STKLD1: variants seen among roughly 807,000 people sequenced by gnomAD.
STKLD1 encodes the protein serine/threonine kinase like domain containing 1.
A neutral mutation model predicts 80.4 loss-of-function variants in STKLD1; 79 were observed. The ratio of observed to expected loss-of-function variants is 0.98; its 90% CI spans 0.82 to 1.19. STKLD1 has a LOEUF of 1.19. STKLD1 is among the 50% of genes most tolerant of loss of function. The pLI is 0.00. For missense variants in STKLD1, 841 were observed against 856.0 expected, an observed-to-expected ratio of 0.98 and a Z score of 0.22; for synonymous variants, 393 against 357.6, an observed-to-expected ratio of 1.10 and a Z score of -1.12.
chr9:133,386,596 C>G (rs945279505), intron 4 of STKLD1, among the ~76,000 whole-genome samples: 4 of 152,212 alleles, frequency 2.6e-5, no homozygotes, highest in African/African-American at 9.6e-5. Context: ...CCTAGGGCTC[C>G]GGTTCAGGAG....
At position 133,389,420 on chromosome 9, in the gene STKLD1, G is replaced by T; in HGVS notation, c.397-106G>T. 1 of 1,508,412 alleles carries T rather than the reference G, an allele frequency of 6.6e-7. No homozygotes were observed. Among genetic ancestry groups the T allele is most frequent in the South Asian group, 1.3e-5 (1 of 78,272 alleles). 93.4% of individuals were successfully genotyped at this position (1,508,412 alleles called of 1,614,324 possible). On this transcript the variant is annotated intron_variant, in intron 5 of 17. Coordinates refer to ENST00000371957, the MANE Select transcript of STKLD1 (RefSeq NM_153710.5). This position sits in a 1 kb window ranked among gnomAD's most constrained non-coding sequence, Gnocchi z 6.4. ...GCTGGCTTCAGGCCTGTCTCAAGATGCAAGGAGAGGATACACCACCATCCT... is the reference window on the plus strand; with the variant it reads ...GCTGGCTTCAGGCCTGTCTCAAGATTCAAGGAGAGGATACACCACCATCCT...
rs781836684 is a variant in STKLD1 at position 133,403,933 on chromosome 9, G to C, written c.1617G>C (p.Glu539Asp). 1.2e-6 allele frequency: 2 copies of C among 1,607,544 alleles called. No individual in the cohort carries two copies. The highest frequency in any genetic ancestry group is 1.7e-5 in the Admixed American group (1 of 59,632). The change falls in exon 16 of 18, where the codon GAG becomes GAC. Residue 539 changes from glutamate to aspartate, a missense_variant. By Grantham distance (45) the Glu-to-Asp change is conservative. Coordinates refer to ENST00000371957, the MANE Select transcript of STKLD1 (RefSeq NM_153710.5). ...WLLSLLGCIK[E>D]QQFEQVVALL... ...CCCTTTCTGCAGGCTGCATCAAGGA[G>C]CAGCAGTTTGAACAAGTGGTGGCGC...
rs202090389 is a variant in STKLD1, at chr9:133,387,565, C to T, written c.396+17C>T. On this transcript the variant is annotated intron_variant, in intron 5 of 17. Transcript: ENST00000371957. The stretch of plus-strand genomic sequence containing the variant: ...GACTCTGAGGTGAGGTCCTTTGGGG[C>T]ACCAGGCCTGGGGGCCACCTAGACC... 1 of 1,605,366 alleles carries T rather than the reference C, an allele frequency of 6.2e-7. No homozygotes were observed. Among genetic ancestry groups the T allele is most frequent in the East Asian group, 2.2e-5 (1 of 44,836 alleles).
rs1384994819 is a variant in STKLD1, at chr9:133,389,466, C to T, written c.397-60C>T. On this transcript the variant is annotated intron_variant, in intron 5 of 17. Transcript: ENST00000371957. This position sits in a 1 kb window ranked among gnomAD's most constrained non-coding sequence, Gnocchi z 6.4. Reference sequence around the variant, plus strand: ...ATCCTGCTGGCTGCTCTGAGTGTCACCCCCCTGAAAGCAGCACAGGGTGCC... The same window carrying T: ...ATCCTGCTGGCTGCTCTGAGTGTCATCCCCCTGAAAGCAGCACAGGGTGCC... 2.5e-6 allele frequency: 4 copies of T among 1,590,572 alleles called. No homozygotes were observed. Among genetic ancestry groups the T allele is most frequent in the Admixed American group, 3.5e-5 (2 of 57,036 alleles).
intron 14 of STKLD1, among the ~76,000 whole-genome samples, 195 bp from the exon 15 acceptor site, chr9:133,403,505 C>A (rs1353769493): frequency 1.3e-5 from 2 of 152,236 alleles, no homozygotes; most frequent in Non-Finnish European, 2.9e-5. Flanking sequence ...AGAACCCTGC[C>A]AGCACCCAAA....
Position 133,385,957 on chromosome 9 carries a change from C to T in STKLD1, c.294+266C>T, listed in dbSNP as rs2130276223. Among the ~76,000 whole-genome samples, 10 of 151,372 alleles carry T rather than the reference C, an allele frequency of 6.6e-5. No homozygotes were observed. Among genetic ancestry groups the T allele is most frequent in the Admixed American group, 2.0e-4 (3 of 15,192 alleles). ...TTTTTGGACAAAGTCTCGCTCTTGT[C>T]CCCCAGGCTGGAGTGTAATGGTGTG... On this transcript the variant is annotated intron_variant, in intron 4 of 17. Coordinates refer to ENST00000371957, the MANE Select transcript of STKLD1 (RefSeq NM_153710.5). This position sits in a 1 kb window ranked among gnomAD's most constrained non-coding sequence, Gnocchi z 4.9.
intron 2 of STKLD1, 36 bp downstream of exon 2, chr9:133,379,158 G>T (rs2130259888): frequency 7.6e-6 from 12 of 1,570,640 alleles, no homozygotes; most frequent in Non-Finnish European, 9.6e-6. Context: ...ATGCCGGGTG[G>T]TTCTGTGACT....
intron 13 of STKLD1, 84 bp from the exon 14 acceptor site, chr9:133,402,794 G>C: frequency 6.8e-7 from 1 of 1,470,386 alleles, no homozygotes; most frequent in African/African-American, 1.4e-5. Flanking sequence ...AGGTCAAATG[G>C]GACTGCAGTG....
chr9:133,397,514 C>G (rs1838593275), intron 10 of STKLD1, among the ~76,000 whole-genome samples: 2 of 152,196 alleles, frequency 1.3e-5, no homozygotes, highest in Admixed American at 1.3e-4. Flanking sequence ...ACCTATAACA[C>G]AAAGTTCCTC....
At chr9:133,379,178 C>T in intron 2 of STKLD1, 56 bp downstream of exon 2, 1 of 1,459,496 alleles carries the variant, frequency 6.9e-7, no homozygotes, top group Middle Eastern at 2.0e-4. Context: ...TGTGATTTTC[C>T]CCAATACAAG....
At position 133,389,810 on chromosome 9, in the gene STKLD1, A is replaced by G. The variant is rs1838343280; in HGVS notation, c.467+214A>G. On this transcript the variant is annotated intron_variant, in intron 6 of 17. Transcript: ENST00000371957. This position sits in a 1 kb window ranked among gnomAD's most constrained non-coding sequence, Gnocchi z 6.4. ...AAGCCATGTGCACACGCACAGCTGCATGGGGTGTGCGCTAGCCAGGCGGGC... is the reference window on the plus strand; with the variant it reads ...AAGCCATGTGCACACGCACAGCTGCGTGGGGTGTGCGCTAGCCAGGCGGGC... Among the ~76,000 whole-genome samples the G allele has an allele frequency of 1.3e-5, 2 of 152,206 alleles. No individual in the cohort carries two copies. Among genetic ancestry groups the G allele is most frequent in the Admixed American group, 6.5e-5 (1 of 15,278 alleles).
At chr9:133,395,473 G>A (rs1326637099) in intron 8 of STKLD1, 127 bp from the exon 9 acceptor site, 11 of 982,380 alleles carry the variant, frequency 1.1e-5, no homozygotes, top group African/African-American at 4.8e-5. Context: ...TCTTGTAGAC[G>A]GTGGCCACAC....
At chr9:133,392,527 G>A (rs1262105920) in intron 7 of STKLD1, among the ~76,000 whole-genome samples, 2 of 150,252 alleles carry the variant, frequency 1.3e-5, no homozygotes, top group Non-Finnish European at 3.0e-5. Flanking sequence ...AGGTGGGTGG[G>A]TGGGTGAGTG....
intron 17 of STKLD1, 25 bp from the exon 18 acceptor site, chr9:133,405,227 C>G (rs782636363): frequency 6.3e-7 from 1 of 1,577,782 alleles, no homozygotes; most frequent in Non-Finnish European, 8.6e-7. Flanking sequence ...ACTCTGGCCT[C>G]AGGACCTTCC....
chr9:133,381,131 C>CTTTTTTTT (rs35031853), intron 2 of STKLD1, among the ~76,000 whole-genome samples: 14 of 69,168 alleles, frequency 2.0e-4, no homozygotes, highest in South Asian at 1.2e-3. Context: ...TACGATGTAA[C>CTTTTTTTT]TTTTTTTTTT....
intron 2 of STKLD1, among the ~76,000 whole-genome samples, chr9:133,380,340 C>T (rs910870884): frequency 2.0e-5 from 3 of 152,046 alleles, no homozygotes; most frequent in African/African-American, 4.8e-5. Context: ...CCACCGCGTC[C>T]GGCCTGAGGA....
At chr9:133,404,253 T>TTATGCTACCC (rs1838783862) in intron 16 of STKLD1, among the ~76,000 whole-genome samples, 1 of 152,222 alleles carries the variant, frequency 6.6e-6, no homozygotes, top group African/African-American at 2.4e-5. Flanking sequence ...TGTCTCTGCG[T>TTATGCTACCC]TATGCTACCC....
chr9:133,399,480 A>G (rs1010799833), intron 11 of STKLD1, among the ~76,000 whole-genome samples: 3 of 152,084 alleles, frequency 2.0e-5, no homozygotes, highest in African/African-American at 7.2e-5. Context: ...GGGAAGAGAG[A>G]CTTTGCCTCC....
At chr9:133,380,955 G>T (rs1282623111) in intron 2 of STKLD1, among the ~76,000 whole-genome samples, 1 of 152,010 alleles carries the variant, frequency 6.6e-6, no homozygotes, top group East Asian at 1.9e-4. Context: ...TATCACATGG[G>T]CTGAGCATTG....
Sources: allele counts gnomAD v4.1 joint callset (sites outside exome capture counted in the v4.1 genomes callset), GRCh38; gene constraint gnomAD v4.1.1; non-coding constraint Gnocchi (gnomAD v3.1); transcripts MANE v1.5; gene names NCBI Gene and HGNC (gene_info 2026-07-23, HGNC 2026-07-21).